QRICH1: variants seen among roughly 807,000 people sequenced by gnomAD.
The protein encoded by QRICH1 is glutamine rich 1.
Under a neutral mutation model 87.1 loss-of-function variants are expected in QRICH1, and 16 were observed. The ratio of observed to expected loss-of-function variants is 0.18; its 90% confidence interval spans 0.12 to 0.28. The LOEUF (loss-of-function observed/expected upper bound fraction) is 0.28. Ranked by LOEUF, QRICH1 falls within the 10% of genes least tolerant of loss-of-function variation. The pLI is 1.00. For synonymous variants in QRICH1, 367 were observed against 368.4 expected (o/e 1.00, Z 0.05); for missense variants, 647 against 951.7 (o/e 0.68, Z 4.21).
At chr3:49,041,142 A>AT (rs1182239845) in intron 6 of QRICH1, among the ~76,000 whole-genome samples, 6 of 151,274 alleles carry the variant, frequency 4.0e-5, no homozygotes, top group African/African-American at 9.7e-5. Flanking sequence ...TAATTTTTGT[A>AT]TTTTTTTTAG....
chr3:49,071,103 C>T (rs1361497078), intron 2 of QRICH1, among the ~76,000 whole-genome samples: 3 of 151,014 alleles, frequency 2.0e-5, no homozygotes, highest in African/African-American at 7.3e-5. Context: ...CTTGCTCTAT[C>T]GCCCAGGCTG....
chr3:49,093,533 C>T (rs2042320188), intron 1 of QRICH1: 1 of 151,948 alleles, frequency 6.6e-6, no homozygotes, highest in Admixed American at 6.5e-5. Flanking sequence ...TGGGGGTCGT[C>T]ACGGGCGCGC....
intron 1 of QRICH1, among the ~76,000 whole-genome samples, chr3:49,078,184 T>C (rs1019722086): frequency 6.6e-6 from 1 of 152,132 alleles, no homozygotes; most frequent in Non-Finnish European, 1.5e-5. Flanking sequence ...TCAGGATAGA[T>C]ACACTAGACT....
intron 2 of QRICH1, among the ~76,000 whole-genome samples, chr3:49,069,109 T>TATTA (rs59623077): frequency 4.1e-4 from 52 of 125,328 alleles, no homozygotes; most frequent in East Asian, 1.6e-3. Context: ...TTATTATTAT[T>TATTA]TTTTTTTTTT....
intron 6 of QRICH1, among the ~76,000 whole-genome samples, chr3:49,037,544 C>T (rs1233323693): frequency 1.3e-5 from 2 of 152,194 alleles, no homozygotes; most frequent in African/African-American, 4.8e-5. Context: ...CCAGCGCGGC[C>T]AACATGGTGA....
chr3:49,062,372 C>CCTT, intron 2 of QRICH1, among the ~76,000 whole-genome samples: 1 of 124,210 alleles, frequency 8.1e-6, no homozygotes, highest in East Asian at 2.5e-4. Context: ...GGTGTAGTCG[C>CCTT]TTTTTTTTTT....
intron 2 of QRICH1, among the ~76,000 whole-genome samples, chr3:49,065,392 C>T (rs2093461830): frequency 1.3e-5 from 2 of 152,148 alleles, no homozygotes; most frequent in South Asian, 4.1e-4. Flanking sequence ...GTGATCTGCC[C>T]ACCTCGGCAT....
intron 1 of QRICH1, among the ~76,000 whole-genome samples, chr3:49,093,073 G>GT (rs2107070718): frequency 6.6e-6 from 1 of 152,298 alleles, no homozygotes; most frequent in South Asian, 2.1e-4. Context: ...GCTTATGGAC[G>GT]TATTAGTTTC....
Position 49,038,756 on chromosome 3 carries a change from G to A in QRICH1, c.1787-5528C>T, listed in dbSNP as rs778196535. 6.6e-5 allele frequency among the ~76,000 whole-genome samples: 10 copies of A among 152,288 alleles called. No homozygotes were observed. The East Asian group carries it at 7.7e-4, about 12-fold the overall frequency. ...TTTTTTAAAGTATGAGCCGGGCTCC[G>A]TAGTTCACGCCTGTAATCCTAGCAC... On this transcript the variant is annotated intron_variant, in intron 6 of 9. Coordinates refer to ENST00000395443, the MANE Select transcript of QRICH1 (RefSeq NM_198880.3).
chr3:49,046,847 T>C (rs1011813258), intron 4 of QRICH1, among the ~76,000 whole-genome samples: 1 of 152,192 alleles, frequency 6.6e-6, no homozygotes, highest in Non-Finnish European at 1.5e-5. Flanking sequence ...CTGAAACCCG[T>C]ATGTCTAAAA....
chr3:49,066,526 G>A (rs951324615), intron 2 of QRICH1, among the ~76,000 whole-genome samples: 2 of 150,476 alleles, frequency 1.3e-5, no homozygotes, highest in Non-Finnish European at 3.0e-5. Context: ...ATGCAGTGGC[G>A]CAATCTTGGC....
chr3:49,058,860 T>A (rs1490318231), intron 2 of QRICH1, among the ~76,000 whole-genome samples: 1 of 152,118 alleles, frequency 6.6e-6, no homozygotes, highest in African/African-American at 2.4e-5. Flanking sequence ...ACTCCCGACC[T>A]CAAGTGATCC....
chr3:49,092,426 C>T (rs913622440), intron 1 of QRICH1: 1 of 152,046 alleles, frequency 6.6e-6, no homozygotes, highest in African/African-American at 2.4e-5. Flanking sequence ...ATTTCTGCTG[C>T]TTGTCCTGAG....
intron 1 of QRICH1, among the ~76,000 whole-genome samples, chr3:49,087,626 A>G (rs1020187755): frequency 2.0e-5 from 3 of 151,608 alleles, no homozygotes; most frequent in Non-Finnish European, 4.4e-5. Context: ...CTGTAATCCT[A>G]GCACGCTGGA....
intron 9 of QRICH1, 57 bp from the exon 10 acceptor site, chr3:49,030,701 C>A: frequency 7.1e-7 from 1 of 1,399,268 alleles, no homozygotes; most frequent in African/African-American, 1.5e-5. Context: ...ACCCTCCCAC[C>A]CTGAACTTCC....
intron 3 of QRICH1, chr3:49,056,630 A>G: frequency 1.3e-6 from 1 of 769,280 alleles, no homozygotes; most frequent in Non-Finnish European, 2.1e-6. Context: ...AATGTCTCCA[A>G]AACTCCAAAG....
chr3:49,086,389 T>TC (rs771071267), intron 1 of QRICH1, among the ~76,000 whole-genome samples: 2 of 151,944 alleles, frequency 1.3e-5, no homozygotes, highest in Non-Finnish European at 2.9e-5. Context: ...CCCAAGTAGC[T>TC]GGGACTACAG....
chr3:49,091,810 G>A (rs756836932), intron 1 of QRICH1, among the ~76,000 whole-genome samples: 2 of 152,260 alleles, frequency 1.3e-5, no homozygotes, highest in South Asian at 4.1e-4. Context: ...GGTGGCTCAC[G>A]CCTGTAATCC....
chr3:49,034,479 C>T (rs2093262460), intron 6 of QRICH1, among the ~76,000 whole-genome samples: 1 of 151,694 alleles, frequency 6.6e-6, no homozygotes. Context: ...GATGGGGTTT[C>T]GCTCTGTCAC....
Sources: gnomAD v4.1 joint callset for allele counts (sites outside exome capture counted in the v4.1 genomes callset) on GRCh38, gnomAD v4.1.1 for gene constraint, MANE v1.5 for transcripts, NCBI Gene and HGNC (gene_info 2026-07-23, HGNC 2026-07-21) for gene names.